The following MTF2 variants were observed in gnomAD, a reference collection of about 807,000 sequenced individuals.
MTF2 encodes the protein metal response element binding transcription factor 2.
MTF2 carries 11 observed loss-of-function variants against 79.5 expected under a neutral mutation model. The ratio of observed to expected loss-of-function variants is 0.14; its 90% CI spans 0.09 to 0.23. MTF2 has a LOEUF of 0.23. Among genes scored for constraint, MTF2 ranks in the 10% least tolerant of loss-of-function variants. MTF2 has a pLI of 1.00. For missense variants in MTF2, 486 were observed against 711.2 expected, an observed-to-expected ratio of 0.68 and a Z score of 3.60; for synonymous variants, 208 against 232.8, an observed-to-expected ratio of 0.89 and a Z score of 0.97.
intron 10 of MTF2, among the ~76,000 whole-genome samples, chr1:93,128,272 T>G (rs1056495623): frequency 2.6e-5 from 4 of 151,942 alleles, no homozygotes; most frequent in Non-Finnish European, 5.9e-5. Context: ...AAGTAGAACA[T>G]TTTGGTTGGG....
At chr1:93,116,836 A>G (rs1342922463) in intron 6 of MTF2, among the ~76,000 whole-genome samples, 2 of 152,086 alleles carry the variant, frequency 1.3e-5, no homozygotes, top group African/African-American at 2.4e-5. Flanking sequence ...TAATTTCAAT[A>G]TTGTGTCTCA....
intron 1 of MTF2, among the ~76,000 whole-genome samples, chr1:93,086,367 G>T (rs35214350): frequency 6.6e-6 from 1 of 152,024 alleles, no homozygotes; most frequent in African/African-American, 2.4e-5. Flanking sequence ...TTAGCCAGGT[G>T]TGGTGGCACA....
At chr1:93,120,321 A>AT in intron 8 of MTF2, 1 of 252,892 alleles carries the variant, frequency 4.0e-6, no homozygotes, top group Non-Finnish European at 7.3e-6. Flanking sequence ...AAAAAAAAAA[A>AT]GAAGTAATTC....
chr1:93,105,036 C>T (rs1450191536), intron 1 of MTF2, among the ~76,000 whole-genome samples: 3 of 147,554 alleles, frequency 2.0e-5, no homozygotes, highest in South Asian at 2.2e-4. Flanking sequence ...CCCAGCTACT[C>T]GGGAGGCTGA....
chr1:93,123,922 T>C (rs943372011), intron 9 of MTF2, among the ~76,000 whole-genome samples: 7 of 151,972 alleles, frequency 4.6e-5, no homozygotes, highest in African/African-American at 1.7e-4. Context: ...ATAGTTATAA[T>C]TGATGAAGCT....
chr1:93,097,980 A>T (rs1004242961), intron 1 of MTF2, among the ~76,000 whole-genome samples: 1 of 152,254 alleles, frequency 6.6e-6, no homozygotes, highest in Admixed American at 6.5e-5. Flanking sequence ...TTATTCAGCC[A>T]GTATTGAGAA....
chr1:93,093,076 G>T lies in MTF2; in HGVS notation c.5+13545G>T, dbSNP rs6604042. Among the ~76,000 whole-genome samples the T allele has an allele frequency of 1.8e-4, 27 of 151,814 alleles. 1 individual carries two copies. Among genetic ancestry groups the T allele is most frequent in the African/African-American group, 6.3e-4 (26 of 41,298 alleles). ...ACATACCTGTAATCCCAGCTACTTG[G>T]GAGGCTGAGGCAGGAGAATCGCTTG... On this transcript the variant is annotated intron_variant, in intron 1 of 14. Transcript: ENST00000370298.
chr1:93,092,058 G>C (rs1030998327), intron 1 of MTF2, among the ~76,000 whole-genome samples: 1 of 152,102 alleles, frequency 6.6e-6, no homozygotes, highest in African/African-American at 2.4e-5. Flanking sequence ...GGATGTCTTA[G>C]ATGAGCCTTT....
intron 1 of MTF2, among the ~76,000 whole-genome samples, chr1:93,108,161 T>G (rs556842635): frequency 1.6e-4 from 25 of 152,354 alleles, no homozygotes; most frequent in African/African-American, 4.3e-4. Context: ...TACATTTCTA[T>G]ATATTATGGG....
At position 93,114,406 on chromosome 1, in the gene MTF2, A is replaced by G. The variant is rs183520681; in HGVS notation, c.287-282A>G. 5.3e-5 allele frequency among the ~76,000 whole-genome samples: 8 copies of G among 152,332 alleles called. No individual in the cohort carries two copies. In the East Asian group the frequency reaches 1.5e-3, roughly 29 times the overall value. ...CCTCATCTCCACCTTCACCTTTAAG[A>G]GTGGGAATATGAGAAATGAGTAATA... On this transcript the variant is annotated intron_variant, in intron 3 of 14. Transcript: ENST00000370298.
intron 1 of MTF2, among the ~76,000 whole-genome samples, chr1:93,096,808 C>CTTTTTTTT (rs961849389): frequency 5.9e-5 from 8 of 136,244 alleles, no homozygotes; most frequent in Non-Finnish European, 6.2e-5. Flanking sequence ...TTTTCTTTTT[C>CTTTTTTTT]TTTTTTTTTT....
chr1:93,092,054 C>T (rs1450678831), intron 1 of MTF2, among the ~76,000 whole-genome samples: 1 of 152,114 alleles, frequency 6.6e-6, no homozygotes. Context: ...TGCTGGATGT[C>T]TTAGATGAGC....
At chr1:93,082,950 G>A (rs896605277) in intron 1 of MTF2, among the ~76,000 whole-genome samples, 5 of 152,176 alleles carry the variant, frequency 3.3e-5, no homozygotes, top group Non-Finnish European at 5.9e-5. Context: ...TGTAAATGGA[G>A]TAGTACAATA....
intron 1 of MTF2, among the ~76,000 whole-genome samples, chr1:93,082,696 A>G (rs772425230): frequency 6.6e-6 from 1 of 152,222 alleles, no homozygotes; most frequent in Non-Finnish European, 1.5e-5. Context: ...TAATTTATAT[A>G]CTATAGTTAT....
intron 1 of MTF2, among the ~76,000 whole-genome samples, chr1:93,105,092 C>T (rs975270726): frequency 3.3e-4 from 44 of 134,702 alleles, no homozygotes; most frequent in Admixed American, 2.0e-3. Flanking sequence ...TGCAGTGAGC[C>T]GAGATAGCGC....
intron 1 of MTF2, among the ~76,000 whole-genome samples, chr1:93,108,441 A>G (rs1474036559): frequency 6.6e-6 from 1 of 152,130 alleles, no homozygotes; most frequent in African/African-American, 2.4e-5. Context: ...GTTTTGCTGG[A>G]TATAAGATTC....
At chr1:93,122,202 A>G (rs1278546688) in intron 9 of MTF2, among the ~76,000 whole-genome samples, 1 of 152,182 alleles carries the variant, frequency 6.6e-6, no homozygotes. Flanking sequence ...AATATTTAAT[A>G]CTATAATACA....
At chr1:93,114,550 C>T (rs890586768) in intron 3 of MTF2, 138 bp from the exon 4 acceptor site, 15 of 552,884 alleles carry the variant, frequency 2.7e-5, no homozygotes, top group Middle Eastern at 9.1e-4. Flanking sequence ...AGATACCATT[C>T]GTGTACTTTG....
rs190585725 is a variant in MTF2, at chr1:93,115,684, T to G, written c.632+66T>G. 4.4e-3 allele frequency: 5,910 copies of G among 1,353,302 alleles called. 26 individuals are homozygous for G. The highest frequency in any genetic ancestry group is 5.0e-3 in the Admixed American group (207 of 41,224). 83.8% of individuals were successfully genotyped at this position (1,353,302 alleles called of 1,614,324 possible). A position where few individuals can be genotyped will look rare whatever the true frequency, so the allele number is the denominator to read the frequency against. On this transcript the variant is annotated intron_variant, in intron 6 of 14. Transcript: ENST00000370298. The stretch of plus-strand genomic sequence containing the variant: ...TATTTACTTATCTATTTTTCTTGAT[T>G]ATGGTGTGTGAGTGATGGTGAATTG...
Sources: gnomAD v4.1 joint callset for allele counts (sites outside exome capture counted in the v4.1 genomes callset) on GRCh38, gnomAD v4.1.1 for gene constraint, MANE v1.5 for transcripts, NCBI Gene and HGNC (gene_info 2026-07-23, HGNC 2026-07-21) for gene names.